MEGF11: variants seen among roughly 807,000 people sequenced by gnomAD.
MEGF11 encodes the protein multiple EGF like domains 11, also known as multiple epidermal growth factor-like domains protein 11.
A neutral mutation model predicts 146.6 loss-of-function variants in MEGF11; 126 were observed. The observed-to-expected ratio is 0.86, with a 90% CI of 0.74 to 1.00. The LOEUF (loss-of-function observed/expected upper bound fraction) is 1.00, where lower values mean the gene tolerates loss of function less well. Ranked by LOEUF, MEGF11 falls within the 50% of genes least tolerant of loss-of-function variation. MEGF11 has a pLI of 0.00. For synonymous variants in MEGF11, 532 were observed against 583.4 expected, an observed-to-expected ratio of 0.91 and a Z score of 1.27; for missense variants, 1,509 against 1,521.2, an observed-to-expected ratio of 0.99 and a Z score of 0.13.
chr15:66,193,647 G>A (rs76146262), intron 1 of MEGF11, among the ~76,000 whole-genome samples: 19,752 of 152,022 alleles, frequency 0.13, 1,623 homozygotes, highest in Non-Finnish European at 0.19. Context: ...CTTTGTATAC[G>A]TGGGTTCTGC....
intron 5 of MEGF11, among the ~76,000 whole-genome samples, chr15:66,032,309 A>G (rs191271569): frequency 3.9e-5 from 6 of 152,374 alleles, no homozygotes; most frequent in Non-Finnish European, 7.3e-5. Context: ...ACAGACTGTG[A>G]CAGAAAATTG....
intron 6 of MEGF11, among the ~76,000 whole-genome samples, chr15:65,981,646 G>A (rs904494755): frequency 2.0e-5 from 3 of 152,174 alleles, no homozygotes; most frequent in Non-Finnish European, 2.9e-5. Context: ...TCTTGCCTCT[G>A]AGGGGGTCTC....
chr15:65,955,903 A>T (rs558353714), intron 10 of MEGF11, among the ~76,000 whole-genome samples: 1 of 144,608 alleles, frequency 6.9e-6, no homozygotes, highest in East Asian at 2.0e-4. Flanking sequence ...TGGAAATCCA[A>T]TGTGTATTTT....
chr15:65,935,555 A>C (rs888964450), intron 10 of MEGF11, among the ~76,000 whole-genome samples: 3 of 152,230 alleles, frequency 2.0e-5, no homozygotes, highest in Non-Finnish European at 2.9e-5. Context: ...ATCCCCACAC[A>C]TCTGATCACA....
intron 1 of MEGF11, among the ~76,000 whole-genome samples, chr15:66,203,283 A>G (rs2091216169): frequency 6.6e-6 from 1 of 152,222 alleles, no homozygotes; most frequent in Admixed American, 6.5e-5. Context: ...CATGCAGGCT[A>G]CCGTGTGGTT....
intron 1 of MEGF11, among the ~76,000 whole-genome samples, chr15:66,237,598 T>C (rs4776768): frequency 0.72 from 109,694 of 152,086 alleles, 39,598 homozygotes; most frequent in East Asian, 0.81. Context: ...CCTCTGTTTC[T>C]CCATCTATAG....
intron 1 of MEGF11, among the ~76,000 whole-genome samples, chr15:66,253,309 C>T (rs898368575): frequency 6.6e-6 from 1 of 152,204 alleles, no homozygotes; most frequent in African/African-American, 2.4e-5. Context: ...GGAGGCGCCG[C>T]GGACGCTGCA....
At position 65,930,938 on chromosome 15, in the gene MEGF11, C is replaced by A; in HGVS notation, c.1293G>T (p.Glu431Asp). Reference sequence around the variant, plus strand: ...CTGCTGCACAGGAAACGGCACAGACCTCTCCCTGGAAAGGGAGGGGGTGAA... The same window carrying A: ...CTGCTGCACAGGAAACGGCACAGACATCTCCCTGGAAAGGGAGGGGGTGAA... ...GCTCAPGFMG[E>D]VCAVSCAAGT... The change falls in exon 11 of 26, where the codon GAG becomes GAT. Residue 431 changes from glutamate to aspartate, a missense_variant. Glu to Asp is a conservative substitution (Grantham distance 45). Coordinates refer to ENST00000395614, the MANE Select transcript of MEGF11 (RefSeq NM_001385028.1). 6.3e-7 allele frequency: 1 copy of A among 1,585,968 alleles called. No homozygotes were observed. The highest frequency in any genetic ancestry group is 1.1e-5 in the South Asian group (1 of 88,334).
At chr15:66,004,795 G>C (rs1046829741) in intron 5 of MEGF11, among the ~76,000 whole-genome samples, 1 of 152,208 alleles carries the variant, frequency 6.6e-6, no homozygotes, top group Non-Finnish European at 1.5e-5. Flanking sequence ...CAATTCTCAA[G>C]CCTCACAACA....
chr15:66,221,480 G>A (rs891807814), intron 1 of MEGF11, among the ~76,000 whole-genome samples: 23 of 151,998 alleles, frequency 1.5e-4, no homozygotes, highest in African/African-American at 5.6e-4. Context: ...ACAACTGTCA[G>A]AGGACCTCGT....
intron 1 of MEGF11, among the ~76,000 whole-genome samples, chr15:66,204,606 A>G (rs925889506): frequency 1.1e-4 from 17 of 152,208 alleles, no homozygotes; most frequent in Admixed American, 7.9e-4. Context: ...GGTTATTCGT[A>G]CCTGTAAAGA....
chr15:65,940,418 C>T (rs553977779), intron 10 of MEGF11, among the ~76,000 whole-genome samples: 1 of 152,340 alleles, frequency 6.6e-6, no homozygotes, highest in South Asian at 2.1e-4. Context: ...CAACTCTAAG[C>T]GCTAGGACAG....
Position 66,078,044 on chromosome 15 carries a change from T to A in MEGF11, c.394+16358A>T, listed in dbSNP as rs191348359. On this transcript the variant is annotated intron_variant, in intron 5 of 25. Coordinates refer to ENST00000395614, the MANE Select transcript of MEGF11 (RefSeq NM_001385028.1). The stretch of plus-strand genomic sequence containing the variant: ...CCCACCTCCCAAGTGTGGGAGGGGT[T>A]GGGGAGGGAAGGCAGAGGGCATCAA... Among the ~76,000 whole-genome samples the A allele has an allele frequency of 2.8e-3, 421 of 152,130 alleles. 1 individual carries two copies. The highest frequency in any genetic ancestry group is 4.7e-3 in the Non-Finnish European group (317 of 67,978).
Position 65,913,276 on chromosome 15 carries a change from T to C in MEGF11, c.2710+461A>G, listed in dbSNP as rs541245451. Reference sequence around the variant, plus strand: ...GTACTGTCCCCTTCCGCTGTACTAATAGGACCCTCCTAACTGGGAACTGGG... The same window carrying C: ...GTACTGTCCCCTTCCGCTGTACTAACAGGACCCTCCTAACTGGGAACTGGG... On this transcript the variant is annotated intron_variant, in intron 20 of 25. Coordinates refer to ENST00000395614, the MANE Select transcript of MEGF11 (RefSeq NM_001385028.1). 3.9e-5 allele frequency among the ~76,000 whole-genome samples: 6 copies of C among 152,266 alleles called. No homozygotes were observed. In the South Asian group the frequency reaches 6.2e-4, roughly 16 times the overall value.
chr15:65,954,818 C>A (rs2080523692), intron 10 of MEGF11, among the ~76,000 whole-genome samples: 1 of 152,110 alleles, frequency 6.6e-6, no homozygotes, highest in South Asian at 2.1e-4. Context: ...CCCCAGTTTT[C>A]CCTTGTTCTG....
chr15:66,123,713 A>G (rs1032829732), intron 3 of MEGF11, among the ~76,000 whole-genome samples, 186 bp downstream of exon 3: 1 of 152,144 alleles, frequency 6.6e-6, no homozygotes, highest in African/African-American at 2.4e-5. Flanking sequence ...ACTCTCCAGC[A>G]CTGCTGGCCT....
chr15:66,091,945 C>T (rs1431540424), intron 5 of MEGF11, among the ~76,000 whole-genome samples: 1 of 152,218 alleles, frequency 6.6e-6, no homozygotes, highest in Non-Finnish European at 1.5e-5. Context: ...TGGAGGGTCT[C>T]TGGTTTCTTC....
At chr15:66,247,610 G>C (rs1203119622) in intron 1 of MEGF11, among the ~76,000 whole-genome samples, 2 of 152,146 alleles carry the variant, frequency 1.3e-5, no homozygotes, top group Non-Finnish European at 2.9e-5. Flanking sequence ...GTGCTGTGGT[G>C]CACATCTGTG....
At chr15:66,009,188 C>A (rs1370410522) in intron 5 of MEGF11, among the ~76,000 whole-genome samples, 2 of 150,792 alleles carry the variant, frequency 1.3e-5, no homozygotes, top group Non-Finnish European at 2.9e-5. Context: ...CTGGAACGAT[C>A]TTCAGAAGGA....
Sources: allele counts gnomAD v4.1 joint callset (sites outside exome capture counted in the v4.1 genomes callset), GRCh38; gene constraint gnomAD v4.1.1; transcripts MANE v1.5; gene names NCBI Gene and HGNC (gene_info 2026-07-23, HGNC 2026-07-21).